The following DTNBP1 variants were observed in gnomAD, a reference collection of about 807,000 sequenced individuals.
DTNBP1 encodes the protein dystrobrevin binding protein 1.
Under a neutral mutation model 42.8 loss-of-function variants are expected in DTNBP1, and 35 were observed. That is an observed-to-expected ratio of 0.82 (90% CI 0.63 to 1.09). DTNBP1 has a LOEUF of 1.09. DTNBP1 is among the 50% of genes least tolerant of loss of function. The pLI is 0.00. For missense variants in DTNBP1, 457 were observed against 424.2 expected, an observed-to-expected ratio of 1.08 and a Z score of -0.68; for synonymous variants, 171 against 162.2, an observed-to-expected ratio of 1.05 and a Z score of -0.41.
chr6:15,640,447 T>C (rs1301350312), intron 3 of DTNBP1, among the ~76,000 whole-genome samples: 2 of 152,224 alleles, frequency 1.3e-5, no homozygotes, highest in Non-Finnish European at 2.9e-5. Flanking sequence ...AATGTGTAAT[T>C]CTTGCATTCA....
intron 3 of DTNBP1, among the ~76,000 whole-genome samples, chr6:15,646,852 A>G (rs751704824): frequency 2.0e-5 from 3 of 151,924 alleles, no homozygotes; most frequent in Admixed American, 6.6e-5. Context: ...ACCTCTTACC[A>G]TATACAAAAA....
intron 7 of DTNBP1, among the ~76,000 whole-genome samples, chr6:15,582,397 T>C (rs1008452985): frequency 1.3e-5 from 2 of 152,192 alleles, no homozygotes; most frequent in African/African-American, 4.8e-5. Flanking sequence ...TTGATACTAC[T>C]TGAGATACTG....
At chr6:15,589,732 A>G (rs1776217466) in intron 7 of DTNBP1, among the ~76,000 whole-genome samples, 1 of 152,226 alleles carries the variant, frequency 6.6e-6, no homozygotes, top group Non-Finnish European at 1.5e-5. Context: ...GAAAAGAGAC[A>G]TCCCTGGATA....
intron 3 of DTNBP1, among the ~76,000 whole-genome samples, chr6:15,643,414 A>G (rs1035447260): frequency 1.3e-5 from 2 of 152,232 alleles, no homozygotes; most frequent in Admixed American, 1.3e-4. Flanking sequence ...TTGCTAGAGA[A>G]GCTGAAATCT....
chr6:15,596,268 C>T (rs1776512229), intron 6 of DTNBP1, among the ~76,000 whole-genome samples: 1 of 152,120 alleles, frequency 6.6e-6, no homozygotes, highest in African/African-American at 2.4e-5. Context: ...TGCATGAGTT[C>T]GGTTTGGAAA....
intron 7 of DTNBP1, among the ~76,000 whole-genome samples, chr6:15,569,155 C>T (rs1224965733): frequency 6.6e-6 from 1 of 152,208 alleles, no homozygotes; most frequent in African/African-American, 2.4e-5. Context: ...TAGACACTGA[C>T]CATCTGCCTC....
chr6:15,534,273 A>G (rs1417545982), intron 7 of DTNBP1, among the ~76,000 whole-genome samples: 1 of 152,196 alleles, frequency 6.6e-6, no homozygotes, highest in Non-Finnish European at 1.5e-5. Flanking sequence ...CAGCATGAAT[A>G]TATTTAATAC....
At chr6:15,576,066 G>C (rs1277702108) in intron 7 of DTNBP1, among the ~76,000 whole-genome samples, 1 of 152,058 alleles carries the variant, frequency 6.6e-6, no homozygotes, top group Admixed American at 6.5e-5. Context: ...TTATAGGCGA[G>C]ACCATTTAGG....
chr6:15,641,107 T>C (rs977368060), intron 3 of DTNBP1, among the ~76,000 whole-genome samples: 2 of 152,236 alleles, frequency 1.3e-5, no homozygotes, highest in African/African-American at 4.8e-5. Flanking sequence ...GGCCAGCGTC[T>C]GGTTTTGTCC....
chr6:15,577,376 T>C (rs986439356), intron 7 of DTNBP1, among the ~76,000 whole-genome samples: 2 of 152,214 alleles, frequency 1.3e-5, no homozygotes, highest in African/African-American at 4.8e-5. Flanking sequence ...CCAGGGAGGA[T>C]GCCCGCACGG....
At chr6:15,543,426 C>T (rs1773692103) in intron 7 of DTNBP1, among the ~76,000 whole-genome samples, 1 of 152,166 alleles carries the variant, frequency 6.6e-6, no homozygotes, top group African/African-American at 2.4e-5. Flanking sequence ...CATACAGCTC[C>T]ATGCAGTCTT....
chr6:15,656,413 T>C (rs1437467731), intron 1 of DTNBP1, among the ~76,000 whole-genome samples: 2 of 152,208 alleles, frequency 1.3e-5, no homozygotes, highest in Non-Finnish European at 2.9e-5. Context: ...TTTAGATAGC[T>C]CCAACGACTT....
At chr6:15,535,441 C>CT (rs34534650) in intron 7 of DTNBP1, among the ~76,000 whole-genome samples, 3,614 of 152,198 alleles carry the variant, frequency 0.024, 146 homozygotes, top group African/African-American at 0.081. Flanking sequence ...CTCAGCCTCC[C>CT]AAGTAGCTGG....
intron 7 of DTNBP1, among the ~76,000 whole-genome samples, chr6:15,561,387 T>C (rs1774833438): frequency 6.6e-6 from 1 of 152,238 alleles, no homozygotes; most frequent in Non-Finnish European, 1.5e-5. Context: ...TGTGTAAGAA[T>C]GCAGAATAAG....
intron 7 of DTNBP1, among the ~76,000 whole-genome samples, chr6:15,558,643 ACT>A (rs1030032151): frequency 6.6e-6 from 1 of 152,076 alleles, no homozygotes; most frequent in Non-Finnish European, 1.5e-5. Flanking sequence ...AACTTCCAAC[ACT>A]CTCTTGAAAA....
At chr6:15,635,854 T>C (rs753905886) in intron 4 of DTNBP1, among the ~76,000 whole-genome samples, 4 of 152,216 alleles carry the variant, frequency 2.6e-5, no homozygotes, top group Non-Finnish European at 2.9e-5. Context: ...AAATATTTGA[T>C]AGTGCCTTCT....
intron 7 of DTNBP1, 184 bp from the exon 8 acceptor site, chr6:15,533,579 C>T (rs1773024255): frequency 2.0e-6 from 2 of 996,306 alleles, no homozygotes; most frequent in African/African-American, 1.6e-5. Flanking sequence ...ACTTCCTCCC[C>T]CTACCTGGGC....
At chr6:15,656,632 C>T (rs1170136803) in intron 1 of DTNBP1, among the ~76,000 whole-genome samples, 1 of 152,060 alleles carries the variant, frequency 6.6e-6, no homozygotes, top group African/African-American at 2.4e-5. Flanking sequence ...CCTGTAGTCC[C>T]AGCTACTTGG....
At chr6:15,661,630 A>G (rs1185864597) in intron 1 of DTNBP1, among the ~76,000 whole-genome samples, 1 of 134,222 alleles carries the variant, frequency 7.5e-6, no homozygotes, top group African/African-American at 2.7e-5. Context: ...TGGGTGACAG[A>G]GCAAGACTCC....
Sources: gnomAD v4.1 joint callset for allele counts (sites outside exome capture counted in the v4.1 genomes callset) on GRCh38, gnomAD v4.1.1 for gene constraint, MANE v1.5 for transcripts, NCBI Gene and HGNC (gene_info 2026-07-23, HGNC 2026-07-21) for gene names.